Variants in NFIB observed in about 807,000 individuals in gnomAD.
NFIB encodes nuclear factor I B.
Under a neutral mutation model 61.5 loss-of-function variants are expected in NFIB, and 11 were observed. That is an observed-to-expected ratio of 0.18 (90% CI 0.11 to 0.30). NFIB has a LOEUF of 0.30. Among genes scored for constraint, NFIB ranks in the 10% least tolerant of loss-of-function variants. The pLI is 1.00. For missense variants in NFIB, 471 were observed against 608.9 expected (o/e 0.77, Z 2.38); for synonymous variants, 260 against 216.5 (o/e 1.20, Z -1.76).
intron 3 of NFIB, among the ~76,000 whole-genome samples, chr9:14,176,807 G>A (rs1244091226): frequency 1.3e-5 from 2 of 152,238 alleles, no homozygotes; most frequent in African/African-American, 4.8e-5. Flanking sequence ...AGCCAGAGGA[G>A]GTGTTAAGTT....
intron 5 of NFIB, among the ~76,000 whole-genome samples, chr9:14,148,542 T>C (rs771274525): frequency 1.1e-4 from 17 of 152,198 alleles, no homozygotes; most frequent in East Asian, 1.9e-4. Context: ...AGCATTGAAA[T>C]TGACCTCAAA....
At chr9:14,357,331 A>G (rs1190922495) in intron 1 of NFIB, 1 of 151,846 alleles carries the variant, frequency 6.6e-6, no homozygotes, top group Admixed American at 6.6e-5. Context: ...TGTATACTTT[A>G]TATGTGGAGA....
At chr9:14,323,798 A>T (rs1264176199) in intron 1 of NFIB, among the ~76,000 whole-genome samples, 3 of 152,176 alleles carry the variant, frequency 2.0e-5, no homozygotes, top group Admixed American at 2.0e-4. Context: ...TTTTTTTTTA[A>T]AAAAAGGCAT....
In NFIB at chr9:14,307,704, C is replaced by T. The variant is rs1420350025; in HGVS notation, c.31-184G>A. On this transcript the variant is annotated intron_variant, in intron 1 of 10. Coordinates refer to ENST00000380953, the MANE Select transcript of NFIB (RefSeq NM_001190737.2). This position sits in a 1 kb window ranked among gnomAD's most constrained non-coding sequence, Gnocchi z 5.3. ...AGGACAAGAAGAAAGTAAAGTATGC[C>T]CAGCTGTCCCCTTTCCACCAAAATT... Among the ~76,000 whole-genome samples the T allele has an allele frequency of 2.0e-5, 3 of 151,954 alleles. No individual in the cohort carries two copies. The highest frequency in any genetic ancestry group is 7.3e-5 in the African/African-American group (3 of 41,362).
At chr9:14,159,589 T>C (rs951488428) in intron 3 of NFIB, among the ~76,000 whole-genome samples, 4 of 152,216 alleles carry the variant, frequency 2.6e-5, no homozygotes, top group African/African-American at 9.6e-5. Flanking sequence ...GCAGGCAGCA[T>C]AGCCTTTGTA....
chr9:14,177,129 G>C (rs1424009600), intron 3 of NFIB, among the ~76,000 whole-genome samples: 1 of 152,118 alleles, frequency 6.6e-6, no homozygotes, highest in African/African-American at 2.4e-5. Flanking sequence ...CATTGCTTGT[G>C]GTGGTAGACT....
At chr9:14,392,689 TAAC>T (rs1163168166) in intron 1 of NFIB, among the ~76,000 whole-genome samples, 1 of 150,958 alleles carries the variant, frequency 6.6e-6, no homozygotes, top group Non-Finnish European at 1.5e-5. Context: ...CACTGCATGA[TAAC>T]AAGGTGGCAG....
chr9:14,379,829 C>T (rs553759332), intron 1 of NFIB, among the ~76,000 whole-genome samples: 15 of 152,084 alleles, frequency 9.9e-5, no homozygotes, highest in Non-Finnish European at 1.6e-4. Flanking sequence ...ATTACAGGTG[C>T]CTGCCACCAC....
intron 1 of NFIB, among the ~76,000 whole-genome samples, chr9:14,349,687 C>A (rs1266066453): frequency 6.6e-6 from 1 of 152,080 alleles, no homozygotes; most frequent in African/African-American, 2.4e-5. Flanking sequence ...TAGGTAACTA[C>A]GGAGAAGGAG....
chr9:14,381,158 A>G (rs1431171937), intron 1 of NFIB, among the ~76,000 whole-genome samples: 2 of 150,914 alleles, frequency 1.3e-5, no homozygotes, highest in Non-Finnish European at 2.9e-5. Context: ...GTACACCATC[A>G]TGGATGCAAA....
chr9:14,390,635 C>A (rs990859181), intron 1 of NFIB, among the ~76,000 whole-genome samples: 8 of 152,170 alleles, frequency 5.3e-5, no homozygotes, highest in African/African-American at 1.9e-4. Flanking sequence ...GGAGGTGAAG[C>A]TTTTGGAAGG....
intron 2 of NFIB, among the ~76,000 whole-genome samples, chr9:14,263,861 C>T (rs540463309): frequency 9.2e-5 from 14 of 152,300 alleles, no homozygotes; most frequent in Admixed American, 2.0e-4. Context: ...CTGGCAGTTA[C>T]TTATCCTCCT....
chr9:14,308,580 T>C (rs1406984935), intron 1 of NFIB, among the ~76,000 whole-genome samples: 4 of 152,096 alleles, frequency 2.6e-5, no homozygotes, highest in African/African-American at 7.2e-5. Context: ...TTACATTCTT[T>C]GTGTCTCTGC....
At chr9:14,427,946 T>TTGTTG in the NFIB span, among the ~76,000 whole-genome samples, 1 of 99,438 alleles carries the variant, frequency 1.0e-5, no homozygotes, top group African/African-American at 4.2e-5. Flanking sequence ...TGTTTTTTTT[T>TTGTTG]TTTTTTTTTT....
chr9:14,084,696 C>T lies in NFIB; in HGVS notation c.*3613G>A, dbSNP rs934836018. On this transcript the variant is annotated 3_prime_UTR_variant, in exon 11 of 11. Transcript: ENST00000380953. Reference sequence around the variant, plus strand: ...GGGTGACCTTCGCCATCCTGAAGCTCTGCAGTTCTGGGTAAGGGAGGGGCG... The same window carrying T: ...GGGTGACCTTCGCCATCCTGAAGCTTTGCAGTTCTGGGTAAGGGAGGGGCG... The T allele has an allele frequency of 4.3e-6, 1 of 229,944 alleles. No individual in the cohort carries two copies. The highest frequency in any genetic ancestry group is 8.6e-6 in the Non-Finnish European group (1 of 115,926). 14.2% of individuals were successfully genotyped at this position (229,944 alleles called of 1,614,324 possible).
rs935915081 is a variant in NFIB at position 14,310,121 on chromosome 9, T to G, written c.31-2601A>C. Among the ~76,000 whole-genome samples the G allele has an allele frequency of 3.3e-5, 5 of 152,200 alleles. No homozygotes were observed. The South Asian group carries it at 1.0e-3, about 31-fold the overall frequency. On this transcript the variant is annotated intron_variant, in intron 1 of 10. Coordinates refer to ENST00000380953, the MANE Select transcript of NFIB (RefSeq NM_001190737.2). ...TCTATCACACAAGAAAGCTCAAAAT[T>G]TTAATGAGTTATTTTAAACAACCAA...
At chr9:14,353,448 G>C (rs2061138172) in intron 1 of NFIB, among the ~76,000 whole-genome samples, 2 of 152,256 alleles carry the variant, frequency 1.3e-5, no homozygotes, top group African/African-American at 4.8e-5. Context: ...AGCTCCTGGA[G>C]AGGGGTCTCT....
chr9:14,495,277 G>A, the NFIB span, among the ~76,000 whole-genome samples: 1 of 152,032 alleles, frequency 6.6e-6, no homozygotes, highest in Non-Finnish European at 1.5e-5. Flanking sequence ...CACACCCCTG[G>A]TTGTGAGATA....
At chr9:14,510,294 A>G in the NFIB span, among the ~76,000 whole-genome samples, 2 of 152,242 alleles carry the variant, frequency 1.3e-5, no homozygotes, top group South Asian at 2.1e-4. Flanking sequence ...AAAAAGCAAT[A>G]TCTTAGGGCA....
Sources: gnomAD v4.1 joint callset for allele counts (sites outside exome capture counted in the v4.1 genomes callset) on GRCh38, gnomAD v4.1.1 for gene constraint, Gnocchi (gnomAD v3.1) non-coding constraint, MANE v1.5 for transcripts, NCBI Gene and HGNC (gene_info 2026-07-23, HGNC 2026-07-21) for gene names.